Variants in ARHGAP10 observed in about 807,000 individuals in gnomAD.
ARHGAP10 encodes the protein rho GTPase-activating protein 10.
ARHGAP10 carries 87 observed loss-of-function variants against 108.6 expected under a neutral mutation model. The ratio of observed to expected loss-of-function variants is 0.80; its 90% CI spans 0.67 to 0.96. ARHGAP10 has a LOEUF of 0.96. ARHGAP10 is among the 40% of genes least tolerant of loss of function. The pLI is 0.00. For missense variants in ARHGAP10, 939 were observed against 954.5 expected, an observed-to-expected ratio of 0.98 and a Z score of 0.21; for synonymous variants, 347 against 341.1, an observed-to-expected ratio of 1.02 and a Z score of -0.19.
chr4:147,827,734 C>A (rs1732774978), intron 3 of ARHGAP10, among the ~76,000 whole-genome samples: 1 of 152,080 alleles, frequency 6.6e-6, no homozygotes. Context: ...GAAAGGAATG[C>A]AAAATGACTG....
intron 13 of ARHGAP10, among the ~76,000 whole-genome samples, chr4:147,933,456 C>T (rs1187345659): frequency 6.6e-6 from 1 of 150,646 alleles, no homozygotes; most frequent in Non-Finnish European, 1.5e-5. Context: ...TTATTTTCAT[C>T]TACCCAGTCT....
chr4:147,941,673 G>T (rs993252597), intron 14 of ARHGAP10, among the ~76,000 whole-genome samples: 1 of 152,074 alleles, frequency 6.6e-6, no homozygotes, highest in African/African-American at 2.4e-5. Flanking sequence ...ATTTAAGAGG[G>T]TTACACAATA....
chr4:147,773,408 G>A (rs1730154271), intron 1 of ARHGAP10, among the ~76,000 whole-genome samples: 1 of 152,052 alleles, frequency 6.6e-6, no homozygotes, highest in Non-Finnish European at 1.5e-5. Flanking sequence ...AACATCCCTT[G>A]GAATGTTACC....
intron 10 of ARHGAP10, 88 bp downstream of exon 10, chr4:147,882,020 C>T (rs1439011126): frequency 1.7e-6 from 2 of 1,208,212 alleles, no homozygotes; most frequent in Non-Finnish European, 2.4e-6. Context: ...ACTGTGATTT[C>T]TGTGGCCTGG....
At chr4:147,857,254 G>A (rs867077070) in intron 4 of ARHGAP10, among the ~76,000 whole-genome samples, 58 of 152,300 alleles carry the variant, frequency 3.8e-4, no homozygotes, top group African/African-American at 1.2e-3. Flanking sequence ...TTCGGTTGGT[G>A]AGGGGTGAGT....
chr4:147,990,761 A>G (rs530578018), intron 18 of ARHGAP10, among the ~76,000 whole-genome samples: 49 of 152,284 alleles, frequency 3.2e-4, no homozygotes, highest in African/African-American at 1.0e-3. Flanking sequence ...ACAGACGCCG[A>G]GGTCTACTTG....
chr4:148,042,997 C>G (rs1385503550), intron 19 of ARHGAP10, among the ~76,000 whole-genome samples: 1 of 152,118 alleles, frequency 6.6e-6, no homozygotes, highest in Admixed American at 6.5e-5. Context: ...CCTGGATTGC[C>G]TGGCACTGCT....
At chr4:147,889,649 C>G (rs1735711083) in intron 10 of ARHGAP10, among the ~76,000 whole-genome samples, 2 of 128,206 alleles carry the variant, frequency 1.6e-5, no homozygotes, top group African/African-American at 2.5e-5. Context: ...TTGTATATGT[C>G]TAATGTAAAC....
chr4:147,986,575 C>T (rs923676809), intron 18 of ARHGAP10, among the ~76,000 whole-genome samples: 1 of 152,098 alleles, frequency 6.6e-6, no homozygotes, highest in East Asian at 1.9e-4. Flanking sequence ...TGTGCTGTCT[C>T]CAGGGTGACG....
At chr4:148,011,327 A>G (rs943417138) in intron 18 of ARHGAP10, among the ~76,000 whole-genome samples, 19 of 152,208 alleles carry the variant, frequency 1.2e-4, no homozygotes, top group African/African-American at 4.1e-4. Flanking sequence ...CTTGATGTCT[A>G]GAGCTTCAGC....
chr4:148,055,680 T>G (rs1729332101), intron 20 of ARHGAP10, among the ~76,000 whole-genome samples: 2 of 152,180 alleles, frequency 1.3e-5, no homozygotes, highest in Admixed American at 1.3e-4. Flanking sequence ...AGAGCAAGAC[T>G]CCGTCTCAGG....
chr4:148,042,463 T>C (rs1728673774), intron 19 of ARHGAP10, among the ~76,000 whole-genome samples: 1 of 152,238 alleles, frequency 6.6e-6, no homozygotes, highest in Admixed American at 6.5e-5. Flanking sequence ...ACTGTGGCTC[T>C]GAAAATGGCC....
chr4:147,750,132 T>C (rs1271584526), intron 1 of ARHGAP10, among the ~76,000 whole-genome samples: 1 of 152,198 alleles, frequency 6.6e-6, no homozygotes, highest in Non-Finnish European at 1.5e-5. Context: ...AAAATTTTCA[T>C]TCCAAAAGCT....
At position 147,897,833 on chromosome 4, in the gene ARHGAP10, A is replaced by G. The variant is rs371749572; in HGVS notation, c.1035-8805A>G. On this transcript the variant is annotated intron_variant, in intron 10 of 22. Coordinates refer to ENST00000336498, the MANE Select transcript of ARHGAP10 (RefSeq NM_024605.4). Reference sequence around the variant, plus strand: ...TATTTACATACAGGTATATGCATACATGTGGGTGTAACTTTTTTTGGCTAT... The same window carrying G: ...TATTTACATACAGGTATATGCATACGTGTGGGTGTAACTTTTTTTGGCTAT... 2.6e-4 allele frequency among the ~76,000 whole-genome samples: 39 copies of G among 152,254 alleles called. No individual in the cohort carries two copies. The South Asian group carries it at 7.7e-3, about 30-fold the overall frequency.
intron 1 of ARHGAP10, among the ~76,000 whole-genome samples, chr4:147,775,165 G>T (rs1371237828): frequency 6.6e-6 from 1 of 152,016 alleles, no homozygotes; most frequent in Non-Finnish European, 1.5e-5. Context: ...CACTCGCCTC[G>T]GCCCCCCAAA....
rs1236749114 is a variant in ARHGAP10 at position 148,066,104 on chromosome 4, T to G, written c.2272+1597T>G. ...AAAGACCAAAGTATTTCCATCTCTC[T>G]GTGGAACTGCTCTCTGCTGGTGGAC... On this transcript the variant is annotated intron_variant, in intron 22 of 22. Coordinates refer to ENST00000336498, the MANE Select transcript of ARHGAP10 (RefSeq NM_024605.4). 1.3e-5 allele frequency among the ~76,000 whole-genome samples: 2 copies of G among 152,224 alleles called. 1 individual carries two copies. The highest frequency in any genetic ancestry group is 3.8e-4 in the East Asian group (2 of 5,202).
chr4:147,981,955 TC>T (rs934849287), intron 18 of ARHGAP10, among the ~76,000 whole-genome samples: 4 of 149,216 alleles, frequency 2.7e-5, no homozygotes, highest in African/African-American at 1.0e-4. Context: ...AGGGGCGTGA[TC>T]ATATGTGAGA....
intron 15 of ARHGAP10, 57 bp downstream of exon 15, chr4:147,946,761 A>ATGTT: frequency 2.3e-6 from 3 of 1,305,446 alleles, no homozygotes; most frequent in African/African-American, 1.5e-5. Context: ...TGTAACATAA[A>ATGTT]ACAGATGCCA....
chr4:147,886,704 A>G (rs1310154775), intron 10 of ARHGAP10, among the ~76,000 whole-genome samples: 1 of 152,122 alleles, frequency 6.6e-6, no homozygotes, highest in African/African-American at 2.4e-5. Context: ...GATCACTTCA[A>G]ATACATGACC....
Sources: gnomAD v4.1 joint callset for allele counts (sites outside exome capture counted in the v4.1 genomes callset) on GRCh38, gnomAD v4.1.1 for gene constraint, MANE v1.5 for transcripts, NCBI Gene and HGNC (gene_info 2026-07-23, HGNC 2026-07-21) for gene names.